The following KNDC1 variants were observed in gnomAD, a reference collection of about 807,000 sequenced individuals.
The protein encoded by KNDC1 is kinase non-catalytic C-lobe domain containing 1.
KNDC1 carries 106 observed loss-of-function variants against 172.8 expected under a neutral mutation model. That is an observed-to-expected ratio of 0.61 (90% CI 0.52 to 0.72). The LOEUF is 0.72. Among genes scored for constraint, KNDC1 ranks in the 30% least tolerant of loss-of-function variants. The pLI is 0.00. For missense variants in KNDC1, 2,325 were observed against 2,394.5 expected (o/e 0.97, Z 0.61); for synonymous variants, 1,083 against 1,062.2 (o/e 1.02, Z -0.38).
chr10:133,210,161 A>C (rs918109929), intron 20 of KNDC1, among the ~76,000 whole-genome samples: 2 of 152,014 alleles, frequency 1.3e-5, no homozygotes, highest in African/African-American at 4.8e-5. Flanking sequence ...CGAGGCAGGC[A>C]GATCACCTGA....
intron 26 of KNDC1, 24 bp from the exon 27 acceptor site, chr10:133,218,807 G>A (rs761800619): frequency 1.9e-6 from 3 of 1,606,498 alleles, no homozygotes; most frequent in Non-Finnish European, 1.7e-6. Flanking sequence ...AGAAGACGCT[G>A]AATGTGTCAT....
In KNDC1 at chr10:133,163,178, C is replaced by T. The variant is rs1853031817; in HGVS notation, c.102+2609C>T. Among the ~76,000 whole-genome samples, 1 of 152,196 alleles carries T rather than the reference C, an allele frequency of 6.6e-6. No individual in the cohort carries two copies. Among genetic ancestry groups the T allele is most frequent in the African/African-American group, 2.4e-5 (1 of 41,428 alleles). ...CAGGCGGCTGGAGTCGATGGATGGG[C>T]AATGCTGGCTGCCCCATGGGAATTC... is the stretch of plus-strand genomic sequence containing the variant. On this transcript the variant is annotated intron_variant, in intron 1 of 29. Transcript: ENST00000304613. This position sits in a 1 kb window ranked among gnomAD's most constrained non-coding sequence, Gnocchi z 4.4.
rs1435561279 is a variant in KNDC1 at position 133,198,795 on chromosome 10, C to T, written c.2287C>T (p.Pro763Ser). The T allele has an allele frequency of 1.3e-6, 2 of 1,591,692 alleles. No homozygotes were observed. The highest frequency in any genetic ancestry group is 4.5e-5 in the East Asian group (2 of 44,028). ...DSAQGRPCPP[P>S]QAPANQPEGA... The stretch of plus-strand genomic sequence containing the variant: ...AGCCCAGGGCCGCCCCTGCCCTCCA[C>T]CCCAGGCCCCAGCAAACCAGCCAGA... Residue 763 changes from proline to serine, a missense_variant, in exon 14 of 30, where the codon CCC (proline) becomes TCC (serine). Transcript: ENST00000304613.
chr10:133,212,014 CTT>C (rs1277815751), intron 23 of KNDC1, among the ~76,000 whole-genome samples, 156 bp downstream of exon 23: 2 of 152,180 alleles, frequency 1.3e-5, no homozygotes, highest in African/African-American at 4.8e-5. Flanking sequence ...TGCACATACA[CTT>C]GTGTGCACAT....
rs777302033 is a variant in KNDC1, at chr10:133,211,753, C to T, written c.4131C>T (p.Gly1377=). 1.2e-6 allele frequency: 2 copies of T among 1,609,796 alleles called. No individual in the cohort carries two copies. The highest frequency in any genetic ancestry group is 1.7e-6 in the Non-Finnish European group (2 of 1,178,880). ...LEVGMDRRAE[G]NPRGTDLENP... ...TGGGCATGGACCGGCGGGCCGAGGG[C>T]AACCCTCGCGGCACAGACCTGGAGA... Residue 1377 remains glycine (G), a synonymous_variant, in exon 23 of 30, where the codon GGC becomes GGT. Transcript: ENST00000304613.
At chr10:133,210,263 T>C (rs1205229069) in intron 20 of KNDC1, among the ~76,000 whole-genome samples, 5 of 148,550 alleles carry the variant, frequency 3.4e-5, no homozygotes, top group Non-Finnish European at 7.4e-5. Context: ...GCGCCTGTAG[T>C]CCCAGCTATT....
In KNDC1 at chr10:133,201,698, G is replaced by A. The variant is rs143711041; in HGVS notation, c.3187G>A (p.Val1063Met). ...DRRPAGGASDVEAVTRLARSK... is the reference protein window; with the variant it reads ...DRRPAGGASDMEAVTRLARSK... ...ACGGCCAGCTGGCGGGGCCTCAGAC[G>A]TGGAGGCAGTGACCCGACTGGCCAG... is the stretch of plus-strand genomic sequence containing the variant. The change falls in exon 17 of 30, where the codon GTG (valine) becomes ATG (methionine). Residue 1063 changes from valine to methionine, a missense_variant. By Grantham distance (21) the Val-to-Met change is conservative. Transcript: ENST00000304613. 5.7e-5 allele frequency: 92 copies of A among 1,611,540 alleles called. No individual in the cohort carries two copies. The African/African-American group carries it at 8.4e-4, about 15-fold the overall frequency.
At chr10:133,206,572 C>A in intron 17 of KNDC1, 113 bp from the exon 18 acceptor site, 1 of 864,742 alleles carries the variant, frequency 1.2e-6, no homozygotes, top group Non-Finnish European at 1.9e-6. Context: ...GGGACCCTGC[C>A]CTGCAGCTGA....
intron 23 of KNDC1, 121 bp downstream of exon 23, chr10:133,211,979 G>A (rs1236694544): frequency 1.5e-5 from 14 of 921,406 alleles, no homozygotes; most frequent in African/African-American, 3.3e-5. Flanking sequence ...GGGCACAGCT[G>A]TATACATGCA....
rs975219305 is a variant in KNDC1, at chr10:133,225,118, C to T, written c.*228C>T. The T allele has an allele frequency of 3.7e-5, 20 of 545,552 alleles. No individual in the cohort carries two copies. The East Asian group carries it at 3.7e-4, about 10-fold the overall frequency. 33.8% of individuals were successfully genotyped at this position (545,552 alleles called of 1,614,324 possible). A position where few individuals can be genotyped will look rare whatever the true frequency, so the allele number is the denominator to read the frequency against. On this transcript the variant is annotated 3_prime_UTR_variant, in exon 30 of 30. Transcript: ENST00000304613. ...CGGGCACAAGAGTCTTGGAGGTTTG[C>T]GTGTTTCTGCTAGAATTAAAAAGTT...
At chr10:133,219,835 C>A in intron 28 of KNDC1, 120 bp from the exon 29 acceptor site, 1 of 979,398 alleles carries the variant, frequency 1.0e-6, no homozygotes, top group South Asian at 1.8e-5. Context: ...GCCGGGTAGA[C>A]CCCGTGCGTG....
rs145440398 is a variant in KNDC1 at position 133,167,414 on chromosome 10, C to T, written c.136C>T (p.Arg46Trp). ...NVSLADILSL[R>W]DRGLSEQEAW... is the part of the protein sequence containing the mutation. ...GTCTCTGGCTGACATCCTCTCCCTG[C>T]GGGACCGCGGCCTCAGCGAGCAGGA... The change falls in exon 2 of 30, where the codon CGG becomes TGG. Residue 46 changes from arginine (R) to tryptophan (W), a missense_variant. Transcript: ENST00000304613. 15,123 of 1,600,110 alleles carry T rather than the reference C, an allele frequency of 9.5e-3. 109 individuals carry two copies. Among genetic ancestry groups the T allele is most frequent in the Non-Finnish European group, 0.011 (13,321 of 1,175,054 alleles).
chr10:133,186,579 G>T lies in KNDC1; in HGVS notation c.1231G>T (p.Asp411Tyr), dbSNP rs1325697514. The T allele has an allele frequency of 6.2e-7, 1 of 1,607,134 alleles. No homozygotes were observed. The highest frequency in any genetic ancestry group is 8.5e-7 in the Non-Finnish European group (1 of 1,179,904). ...PSQGPAEAPA[D>Y]PRDASGEAQT... ...CCAGGGGCCAGCAGAGGCCCCTGCA[G>T]ACCCTCGAGATGCTAGCGGTGAAGC... is the stretch of plus-strand genomic sequence containing the variant. Residue 411 changes from aspartate to tyrosine, a missense_variant, in exon 6 of 30, where the codon GAC becomes TAC. By Grantham distance (160) the Asp-to-Tyr change is radical. Transcript: ENST00000304613.
rs532365857 is a variant in KNDC1, at chr10:133,169,720, C to T, written c.360+1408C>T. ...CCTGGTGGCTGGGATGTGGCTGTGG[C>T]CTGTGGCTGTGAACGCAGCGCATGG... On this transcript the variant is annotated intron_variant, in intron 3 of 29. Transcript: ENST00000304613. 3.6e-3 allele frequency among the ~76,000 whole-genome samples: 544 copies of T among 152,208 alleles called. 5 individuals carry two copies. Among genetic ancestry groups the T allele is most frequent in the African/African-American group, 0.013 (525 of 41,560 alleles).
chr10:133,168,434 G>T, intron 3 of KNDC1, 122 bp downstream of exon 3: 1 of 1,036,764 alleles, frequency 9.6e-7, no homozygotes, highest in South Asian at 1.3e-5. Context: ...GCCGGGAGCG[G>T]AGCCGCTGCT....
chr10:133,217,120 C>T (rs1845482542), intron 26 of KNDC1, among the ~76,000 whole-genome samples: 1 of 152,248 alleles, frequency 6.6e-6, no homozygotes, highest in South Asian at 2.1e-4. Context: ...GTAGTTAACA[C>T]GGCTGAACCG....
chr10:133,183,387 A>T lies in KNDC1; in HGVS notation c.404A>T (p.Glu135Val), dbSNP rs373389738. 6.4e-4 allele frequency: 1,021 copies of T among 1,598,682 alleles called. 9 individuals carry two copies. In the South Asian group the frequency reaches 0.01, roughly 16 times the overall value. Residue 135 changes from glutamate (E) to valine (V), a missense_variant, in exon 4 of 30, where the codon GAG (glutamate) becomes GTG (valine). Physicochemically the swap from Glu to Val is moderately radical, Grantham distance 121 (BLOSUM62 -2). Transcript: ENST00000304613. The stretch of plus-strand genomic sequence containing the variant: ...GGGGCCACGCTGAAGGCCGCCCTCG[A>T]GTACGTGGCAGAGCCCACACTGGAA... The part of the protein sequence containing the change: ...SLGATLKAAL[E>V]YVAEPTLEPR...
Position 133,167,583 on chromosome 10 carries a change from A to AGGCGGC in KNDC1, c.301+7_301+12dup, listed in dbSNP as rs775040738. On this transcript the variant is annotated splice_donor_region_variant and intron_variant, in intron 2 of 29. Transcript: ENST00000304613. Reference sequence around the variant, plus strand: ...TGTTTCATGGAGCAGCTCAGCGGTGAGGCGGCGGTGGCGGTGGCGGCGGCG... The same window carrying AGGCGGC: ...TGTTTCATGGAGCAGCTCAGCGGTGAGGCGGCGGCGGCGGTGGCGGTGGCGGCGGCG... 1.6e-5 allele frequency: 26 copies of AGGCGGC among 1,579,128 alleles called. No individual in the cohort carries two copies. The highest frequency in any genetic ancestry group is 6.7e-5 in the African/African-American group (5 of 74,126).
At chr10:133,202,083 C>G in intron 17 of KNDC1, 185 bp downstream of exon 17, 1 of 741,530 alleles carries the variant, frequency 1.3e-6, no homozygotes, top group South Asian at 1.5e-5. Flanking sequence ...CTGAGCTCCA[C>G]GTCTAGGGAC....
Sources: gnomAD v4.1 joint callset for allele counts (sites outside exome capture counted in the v4.1 genomes callset) on GRCh38, gnomAD v4.1.1 for gene constraint, Gnocchi (gnomAD v3.1) non-coding constraint, MANE v1.5 for transcripts, NCBI Gene and HGNC (gene_info 2026-07-23, HGNC 2026-07-21) for gene names.